FGD4: variants seen among roughly 807,000 people sequenced by gnomAD.
The protein encoded by FGD4 is FYVE, RhoGEF and PH domain containing 4, also known as FYVE, RhoGEF and PH domain-containing protein 4.
A neutral mutation model predicts 102.0 loss-of-function variants in FGD4; 42 were observed. The observed-to-expected ratio is 0.41, with a 90% CI of 0.32 to 0.53. FGD4 has a LOEUF of 0.53. Among genes scored for constraint, FGD4 ranks in the 20% least tolerant of loss-of-function variants. The pLI is 0.21. For missense variants in FGD4, 902 were observed against 1,078.2 expected (o/e 0.84, Z 2.29); for synonymous variants, 380 against 375.7 (o/e 1.01, Z -0.13).
chr12:32,422,314 T>TTTTTTTTTTTTTTTTTTTTC (rs1941666694), intron 1 of FGD4, among the ~76,000 whole-genome samples: 1 of 83,034 alleles, frequency 1.2e-5, no homozygotes, highest in Non-Finnish European at 2.2e-5. Flanking sequence ...TTTTTTTTTT[T>TTTTTTTTTTTTTTTTTTTTC]TTGAGACAGA....
In FGD4 at chr12:32,497,809, G is replaced by A. The variant is rs181779555; in HGVS notation, c.167-66328G>A. The stretch of plus-strand genomic sequence containing the variant: ...CCTCCTGCTCGAGCCTTTCAGTCAT[G>A]CCACACGTAAGGGTAGTACGCAGAT... On this transcript the variant is annotated intron_variant, in intron 1 of 16. Transcript: ENST00000534526. Among the ~76,000 whole-genome samples, 33 of 152,282 alleles carry A rather than the reference G, an allele frequency of 2.2e-4. No individual in the cohort carries two copies. In the East Asian group the frequency reaches 5.0e-3, roughly 23 times the overall value.
intron 1 of FGD4, among the ~76,000 whole-genome samples, chr12:32,458,019 A>G (rs927537879): frequency 1.3e-5 from 2 of 149,248 alleles, no homozygotes; most frequent in African/African-American, 2.5e-5. Context: ...AATTTTCATT[A>G]TTTTCTACCA....
chr12:32,548,285 A>G (rs914876375), intron 1 of FGD4, among the ~76,000 whole-genome samples: 1 of 152,178 alleles, frequency 6.6e-6, no homozygotes, highest in African/African-American at 2.4e-5. Context: ...TTTCTTATCA[A>G]ATGAAGTGTT....
At chr12:32,588,234 A>G (rs1277638206) in intron 4 of FGD4, among the ~76,000 whole-genome samples, 1 of 152,220 alleles carries the variant, frequency 6.6e-6, no homozygotes, top group East Asian at 1.9e-4. Context: ...CTAGTATATA[A>G]CTTGGTGAAC....
At chr12:32,634,091 T>C (rs940033987) in intron 15 of FGD4, among the ~76,000 whole-genome samples, 1 of 152,250 alleles carries the variant, frequency 6.6e-6, no homozygotes, top group Admixed American at 6.5e-5. Flanking sequence ...GCAAGATTTA[T>C]GCTTTTGTTC....
intron 7 of FGD4, among the ~76,000 whole-genome samples, chr12:32,605,570 C>G (rs779568726): frequency 2.2e-4 from 34 of 152,160 alleles, no homozygotes; most frequent in Non-Finnish European, 4.3e-4. Flanking sequence ...CTCCCAAACT[C>G]TAGGTACAAA....
chr12:32,587,460 G>A (rs954736785), intron 4 of FGD4, among the ~76,000 whole-genome samples: 3 of 151,744 alleles, frequency 2.0e-5, no homozygotes, highest in African/African-American at 4.8e-5. Context: ...ACGCTATCTC[G>A]GCTCACTACA....
At chr12:32,515,619 C>T (rs910643808) in intron 1 of FGD4, among the ~76,000 whole-genome samples, 3 of 152,212 alleles carry the variant, frequency 2.0e-5, no homozygotes, top group African/African-American at 7.2e-5. Flanking sequence ...AATCTGCTCT[C>T]CTGCCTGCCC....
intron 1 of FGD4, among the ~76,000 whole-genome samples, chr12:32,497,374 C>T (rs898328839): frequency 2.0e-5 from 3 of 152,062 alleles, no homozygotes; most frequent in African/African-American, 7.2e-5. Context: ...ATTATAAAAA[C>T]CCCATTAAAT....
At chr12:32,432,776 T>C (rs1337068826) in intron 1 of FGD4, among the ~76,000 whole-genome samples, 1 of 152,180 alleles carries the variant, frequency 6.6e-6, no homozygotes, top group Non-Finnish European at 1.5e-5. Context: ...CCTGTCTTGT[T>C]CTTTGCTGTC....
At chr12:32,627,011 C>A (rs1240860305) in intron 14 of FGD4, among the ~76,000 whole-genome samples, 1 of 151,770 alleles carries the variant, frequency 6.6e-6, no homozygotes, top group Non-Finnish European at 1.5e-5. Context: ...CCACACCTGG[C>A]TGATTTCTGT....
At chr12:32,441,527 T>C (rs1942434725) in intron 1 of FGD4, among the ~76,000 whole-genome samples, 1 of 151,774 alleles carries the variant, frequency 6.6e-6, no homozygotes, top group South Asian at 2.1e-4. Flanking sequence ...GCTAAGCTGG[T>C]GTCCAAAATG....
chr12:32,606,862 T>A (rs1259730920), intron 7 of FGD4, among the ~76,000 whole-genome samples: 1 of 152,222 alleles, frequency 6.6e-6, no homozygotes, highest in Non-Finnish European at 1.5e-5. Context: ...TGGAGCTCTA[T>A]TTACAGAATT....
chr12:32,562,608 A>G (rs1036343340), intron 1 of FGD4, among the ~76,000 whole-genome samples: 10 of 152,144 alleles, frequency 6.6e-5, no homozygotes, highest in African/African-American at 1.4e-4. Context: ...GGGAGTGGTG[A>G]TGATTCTTAA....
chr12:32,626,467 G>A (rs1173130744), intron 14 of FGD4, among the ~76,000 whole-genome samples: 3 of 149,620 alleles, frequency 2.0e-5, no homozygotes, highest in African/African-American at 7.3e-5. Context: ...AAAAAAAAAG[G>A]GGGTTGAGAA....
intron 1 of FGD4, among the ~76,000 whole-genome samples, chr12:32,535,234 C>T (rs183727242): frequency 6.6e-6 from 1 of 152,268 alleles, no homozygotes; most frequent in East Asian, 1.9e-4. Context: ...TCGTTTTTGA[C>T]TGGATATAAG....
intron 2 of FGD4, among the ~76,000 whole-genome samples, chr12:32,574,236 G>A (rs1365087235): frequency 1.3e-5 from 2 of 151,732 alleles, no homozygotes; most frequent in Non-Finnish European, 2.9e-5. Flanking sequence ...CTAGGTAGAT[G>A]AATGAGTTAT....
chr12:32,612,955 T>C (rs759109524), intron 10 of FGD4, among the ~76,000 whole-genome samples: 2 of 152,166 alleles, frequency 1.3e-5, no homozygotes, highest in African/African-American at 2.4e-5. Flanking sequence ...CCTTTACTCT[T>C]TGTTATCCTA....
In FGD4 at chr12:32,598,817, G is replaced by A. The variant is rs61926187; in HGVS notation, c.1101+231G>A. 0.011 allele frequency among the ~76,000 whole-genome samples: 1,685 copies of A among 152,292 alleles called. 17 individuals are homozygous for A. The highest frequency in any genetic ancestry group is 0.055 in the South Asian group (266 of 4,822). On this transcript the variant is annotated intron_variant, in intron 5 of 16. Coordinates refer to ENST00000534526, the MANE Select transcript of FGD4 (RefSeq NM_001370298.3). ...TTTCTCTCTATGAATCACAAAATGTGTTTATCAAGTGTCCTATAAACTTAA... is the reference window on the plus strand; with the variant it reads ...TTTCTCTCTATGAATCACAAAATGTATTTATCAAGTGTCCTATAAACTTAA...
Sources: gnomAD v4.1 joint callset for allele counts (sites outside exome capture counted in the v4.1 genomes callset) on GRCh38, gnomAD v4.1.1 for gene constraint, MANE v1.5 for transcripts, NCBI Gene and HGNC (gene_info 2026-07-23, HGNC 2026-07-21) for gene names.